The following BMERB1 variants were observed in gnomAD, a reference collection of about 807,000 sequenced individuals.
BMERB1 encodes the protein bMERB domain containing 1, also known as bMERB domain-containing protein 1.
BMERB1 carries 12 observed loss-of-function variants against 23.6 expected under a neutral mutation model. That is an observed-to-expected ratio of 0.51 (90% CI 0.33 to 0.82). The LOEUF is 0.82. Ranked by LOEUF, BMERB1 falls within the 40% of genes least tolerant of loss-of-function variation. BMERB1 has a pLI of 0.03. For synonymous variants in BMERB1, 122 were observed against 96.6 expected, an observed-to-expected ratio of 1.26 and a Z score of -1.54; for missense variants, 247 against 255.4, an observed-to-expected ratio of 0.97 and a Z score of 0.22.
chr16:15,445,042 C>T (rs2050977391), intron 1 of BMERB1, among the ~76,000 whole-genome samples: 1 of 152,164 alleles, frequency 6.6e-6, no homozygotes, highest in Admixed American at 6.6e-5. Context: ...AGGTGCACAC[C>T]ACCACGTGTG....
intron 2 of BMERB1, among the ~76,000 whole-genome samples, chr16:15,515,896 C>T (rs1014408940): frequency 2.0e-5 from 3 of 152,112 alleles, no homozygotes; most frequent in Non-Finnish European, 2.9e-5. Context: ...ATGGGTTGAA[C>T]GTTCATTATC....
intron 1 of BMERB1, among the ~76,000 whole-genome samples, chr16:15,504,271 T>A (rs1184669871): frequency 6.6e-6 from 1 of 152,146 alleles, no homozygotes; most frequent in East Asian, 1.9e-4. Context: ...TCTCTCTTCT[T>A]AATTTTAAAT....
At chr16:15,491,299 T>C (rs1228746865) in intron 1 of BMERB1, among the ~76,000 whole-genome samples, 1 of 152,208 alleles carries the variant, frequency 6.6e-6, no homozygotes, top group African/African-American at 2.4e-5. Context: ...CCTATTTCTA[T>C]ACTTGCTCCC....
intron 1 of BMERB1, among the ~76,000 whole-genome samples, chr16:15,472,363 T>C (rs2051236369): frequency 6.6e-6 from 1 of 152,214 alleles, no homozygotes; most frequent in Admixed American, 6.5e-5. Flanking sequence ...AGTGATCAAT[T>C]GTAACTGTAG....
At chr16:15,444,123 G>GTTTTTGTTTTTTTTTT (rs2050966540) in intron 1 of BMERB1, among the ~76,000 whole-genome samples, 1 of 35,610 alleles carries the variant, frequency 2.8e-5, no homozygotes, top group African/African-American at 1.3e-4. Context: ...CACCAGCTTT[G>GTTTTTGTTTTTTTTTT]TTTTTTTTTT....
chr16:15,448,590 T>G (rs2051011642), intron 1 of BMERB1, among the ~76,000 whole-genome samples: 1 of 152,130 alleles, frequency 6.6e-6, no homozygotes, highest in Non-Finnish European at 1.5e-5. Flanking sequence ...GTTCAGGGGT[T>G]CAAGACCAGC....
intron 2 of BMERB1, among the ~76,000 whole-genome samples, chr16:15,545,534 A>C (rs540845508): frequency 6.6e-6 from 1 of 152,252 alleles, no homozygotes; most frequent in African/African-American, 2.4e-5. Flanking sequence ...CAACCAAAAA[A>C]TGGGATTGTA....
intron 2 of BMERB1, among the ~76,000 whole-genome samples, chr16:15,549,297 A>G (rs1490158012): frequency 6.8e-6 from 1 of 147,664 alleles, no homozygotes; most frequent in Non-Finnish European, 1.5e-5. Context: ...CCAGATCAAG[A>G]TCACACCACT....
At chr16:15,490,994 C>T (rs376507430) in intron 1 of BMERB1, among the ~76,000 whole-genome samples, 33 of 152,174 alleles carry the variant, frequency 2.2e-4, no homozygotes, top group African/African-American at 7.7e-4. Flanking sequence ...CAGAGGCACA[C>T]CCACCATGCC....
intron 2 of BMERB1, among the ~76,000 whole-genome samples, chr16:15,516,718 A>G (rs904337587): frequency 1.3e-5 from 2 of 151,692 alleles, no homozygotes; most frequent in Admixed American, 1.3e-4. Flanking sequence ...TGATCATCCC[A>G]TTTTGCAGAT....
chr16:15,462,137 C>CTTTTTTT (rs71152431), intron 1 of BMERB1, among the ~76,000 whole-genome samples: 1 of 56,962 alleles, frequency 1.8e-5, no homozygotes, highest in African/African-American at 7.9e-5. Context: ...GATGTCCTGC[C>CTTTTTTT]TTTTTTTTTT....
chr16:15,490,605 A>G (rs570002631), intron 1 of BMERB1, among the ~76,000 whole-genome samples: 7 of 152,142 alleles, frequency 4.6e-5, no homozygotes, highest in Non-Finnish European at 7.3e-5. Flanking sequence ...TTTAGACCCC[A>G]CTTTCTTGTC....
In BMERB1 at chr16:15,587,546, G is replaced by T. The variant is rs1452265948; in HGVS notation, c.*717G>T. On this transcript the variant is annotated 3_prime_UTR_variant, in exon 6 of 6. Coordinates refer to ENST00000300006, the MANE Select transcript of BMERB1 (RefSeq NM_033201.3). ...GGGCCTGGACTGGCATGGATCCAGT[G>T]TGCAGAAGAGCCAGCAGGGAACCGG... 1.1e-5 allele frequency: 5 copies of T among 453,170 alleles called. No homozygotes were observed. The highest frequency in any genetic ancestry group is 2.2e-5 in the Non-Finnish European group (5 of 224,820). 28.1% of individuals were successfully genotyped at this position (453,170 alleles called of 1,614,324 possible). A position where few individuals can be genotyped will look rare whatever the true frequency, so the allele number is the denominator to read the frequency against.
At chr16:15,577,381 C>T (rs1456876974) in intron 3 of BMERB1, among the ~76,000 whole-genome samples, 1 of 152,198 alleles carries the variant, frequency 6.6e-6, no homozygotes, top group Non-Finnish European at 1.5e-5. Flanking sequence ...TTCTTCTTCA[C>T]TCCTGTATCA....
At position 15,500,299 on chromosome 16, in the gene BMERB1, CCTT is replaced by C. The variant is rs2051515597; in HGVS notation, c.107-15003_107-15001del. 2.0e-5 allele frequency among the ~76,000 whole-genome samples: 3 copies of C among 152,166 alleles called. No homozygotes were observed. In the South Asian group the frequency reaches 6.2e-4, roughly 32 times the overall value. Reference sequence around the variant, plus strand: ...CTGTGGGGCCTGCACCGCACACACTCCTTCTAAGGGTTTCCTCACAGTCCCTGC... The same window carrying C: ...CTGTGGGGCCTGCACCGCACACACTCCTAAGGGTTTCCTCACAGTCCCTGC... On this transcript the variant is annotated intron_variant, in intron 1 of 5. Coordinates refer to ENST00000300006, the MANE Select transcript of BMERB1 (RefSeq NM_033201.3).
chr16:15,567,060 C>T lies in BMERB1; in HGVS notation c.231-923C>T, dbSNP rs540321232. ...AATTAGCCTGTAGTCCCAGCTACTCCGTAGGGGGCTGGGGTTGGGAGGGGT... is the reference window on the plus strand; with the variant it reads ...AATTAGCCTGTAGTCCCAGCTACTCTGTAGGGGGCTGGGGTTGGGAGGGGT... On this transcript the variant is annotated intron_variant, in intron 2 of 5. Transcript: ENST00000300006. Among the ~76,000 whole-genome samples the T allele has an allele frequency of 1.3e-4, 20 of 151,792 alleles. 1 individual carries two copies. The highest frequency in any genetic ancestry group is 3.4e-3 in the Middle Eastern group (1 of 294).
chr16:15,540,171 C>A (rs1198157464), intron 2 of BMERB1, among the ~76,000 whole-genome samples: 1 of 151,862 alleles, frequency 6.6e-6, no homozygotes, highest in Non-Finnish European at 1.5e-5. Flanking sequence ...ATTTTCATGT[C>A]TTTTAGGAAC....
At chr16:15,446,506 G>A (rs560793422) in intron 1 of BMERB1, among the ~76,000 whole-genome samples, 13 of 152,190 alleles carry the variant, frequency 8.5e-5, no homozygotes, top group Non-Finnish European at 1.8e-4. Context: ...CGTTCTGTGA[G>A]ATGAGACACA....
chr16:15,541,505 A>G (rs1479107894), intron 2 of BMERB1, among the ~76,000 whole-genome samples: 5 of 139,508 alleles, frequency 3.6e-5, no homozygotes, highest in Non-Finnish European at 7.5e-5. Context: ...ATAGCTCACT[A>G]CAGCCTTGAC....
Sources: allele counts gnomAD v4.1 joint callset (sites outside exome capture counted in the v4.1 genomes callset), GRCh38; gene constraint gnomAD v4.1.1; transcripts MANE v1.5; gene names NCBI Gene and HGNC (gene_info 2026-07-23, HGNC 2026-07-21).